The following CD86 variants were observed in gnomAD, a reference collection of about 807,000 sequenced individuals.
CD86 encodes CD86 molecule, also known as T-lymphocyte activation antigen CD86.
A neutral mutation model predicts 32.1 loss-of-function variants in CD86; 11 were observed. The ratio of observed to expected loss-of-function variants is 0.34; its 90% CI spans 0.22 to 0.57. The LOEUF (loss-of-function observed/expected upper bound fraction) is 0.57. Among genes scored for constraint, CD86 ranks in the 20% least tolerant of loss-of-function variants. The pLI is 0.86. For missense variants in CD86, 359 were observed against 398.4 expected, an observed-to-expected ratio of 0.90 and a Z score of 0.84; for synonymous variants, 137 against 135.3, an observed-to-expected ratio of 1.01 and a Z score of -0.09.
intron 1 of CD86, among the ~76,000 whole-genome samples, chr3:122,058,920 A>C (rs2072282901): frequency 6.6e-6 from 1 of 152,136 alleles, no homozygotes; most frequent in African/African-American, 2.4e-5. Flanking sequence ...ATATTTTAGC[A>C]CCAGAATTGA....
chr3:122,111,921 C>T (rs1254559401), intron 5 of CD86, among the ~76,000 whole-genome samples: 1 of 152,300 alleles, frequency 6.6e-6, no homozygotes. Flanking sequence ...TTCTATGCCT[C>T]AACTGTATAT....
At chr3:122,108,558 G>A (rs185726127) in intron 4 of CD86, among the ~76,000 whole-genome samples, 18 of 152,192 alleles carry the variant, frequency 1.2e-4, no homozygotes, top group African/African-American at 4.3e-4. Context: ...CTTTAAAGTG[G>A]GCGACTCCGT....
chr3:122,102,011 C>T (rs536065002), intron 2 of CD86, among the ~76,000 whole-genome samples: 3 of 152,246 alleles, frequency 2.0e-5, no homozygotes, highest in South Asian at 4.1e-4. Context: ...TTTGTGCAAA[C>T]TCCCACTGAT....
intron 2 of CD86, among the ~76,000 whole-genome samples, chr3:122,100,408 T>C (rs189337534): frequency 7.2e-5 from 11 of 152,218 alleles, no homozygotes; most frequent in Admixed American, 7.2e-4. Context: ...AAACAGTCAA[T>C]GAAGGGGTTA....
chr3:122,113,258 G>T (rs1351631903), intron 5 of CD86, among the ~76,000 whole-genome samples: 3 of 152,192 alleles, frequency 2.0e-5, no homozygotes, highest in Admixed American at 6.5e-5. Flanking sequence ...TGGGTTGATG[G>T]ACATTTAGGT....
At chr3:122,115,210 A>G (rs2681420) in intron 5 of CD86, among the ~76,000 whole-genome samples, 33,041 of 152,142 alleles carry the variant, frequency 0.22, 4,186 homozygotes, top group East Asian at 0.6. Flanking sequence ...TTATTTCTAT[A>G]TACTAACAAA....
chr3:122,103,750 G>A lies in CD86; in HGVS notation c.303G>A (p.Gln101=). 6.2e-7 allele frequency: 1 copy of A among 1,614,086 alleles called. No homozygotes were observed. Among genetic ancestry groups the A allele is most frequent in the Non-Finnish European group, 8.5e-7 (1 of 1,179,946 alleles). The change falls in exon 3 of 7, where the codon CAG becomes CAA. Residue 101 remains glutamine, a synonymous_variant. Transcript: ENST00000330540. ...GGACCCTGAGACTTCACAATCTTCAGATCAAGGACAAGGGCTTGTATCAAT... is the reference window on the plus strand; with the variant it reads ...GGACCCTGAGACTTCACAATCTTCAAATCAAGGACAAGGGCTTGTATCAAT... ...DSWTLRLHNL[Q]IKDKGLYQCI... is the part of the protein sequence containing the mutation.
intron 6 of CD86, among the ~76,000 whole-genome samples, chr3:122,118,299 C>A (rs2073288156): frequency 6.6e-6 from 1 of 152,154 alleles, no homozygotes; most frequent in Non-Finnish European, 1.5e-5. Context: ...GCCCAGAAAG[C>A]ATGACAAGCT....
At chr3:122,065,868 A>C (rs2107502665) in intron 1 of CD86, among the ~76,000 whole-genome samples, 1 of 151,980 alleles carries the variant, frequency 6.6e-6, no homozygotes, top group South Asian at 2.1e-4. Flanking sequence ...GAGAGGGGGA[A>C]ACTTGACTGG....
chr3:122,103,391 T>C (rs770052578), intron 2 of CD86, 121 bp from the exon 3 acceptor site: 4 of 682,808 alleles, frequency 5.9e-6, no homozygotes, highest in Admixed American at 2.9e-5. Flanking sequence ...CAGAGCTTAA[T>C]ATCTTATTCT....
intron 1 of CD86, among the ~76,000 whole-genome samples, chr3:122,063,611 T>A (rs1576756891): frequency 1.3e-5 from 2 of 148,674 alleles, no homozygotes; most frequent in African/African-American, 5.0e-5. Context: ...TTTTTTTTTT[T>A]AAAGACAGAG....
intron 1 of CD86, among the ~76,000 whole-genome samples, chr3:122,072,385 G>T (rs1158928339): frequency 1.3e-5 from 2 of 151,878 alleles, no homozygotes; most frequent in Admixed American, 6.6e-5. Context: ...ATTCTCTCCA[G>T]CACCTGTTGT....
intron 1 of CD86, among the ~76,000 whole-genome samples, chr3:122,078,323 C>G (rs2107513753): frequency 1.3e-5 from 2 of 152,290 alleles, no homozygotes; most frequent in South Asian, 4.1e-4. Context: ...GTGCCACTTA[C>G]CAAATAATTG....
chr3:122,091,115 A>C (rs751971419), intron 1 of CD86, among the ~76,000 whole-genome samples: 4 of 152,272 alleles, frequency 2.6e-5, no homozygotes, highest in Non-Finnish European at 4.4e-5. Flanking sequence ...TACTGCAATA[A>C]TCAATCCCTC....
intron 1 of CD86, among the ~76,000 whole-genome samples, 159 bp from the exon 2 acceptor site, chr3:122,091,442 G>A (rs955617241): frequency 1.3e-5 from 2 of 152,180 alleles, no homozygotes; most frequent in East Asian, 1.9e-4. Flanking sequence ...ATGGAGCTAA[G>A]AGCAAAAGGA....
At chr3:122,112,202 C>T (rs560821606) in intron 5 of CD86, among the ~76,000 whole-genome samples, 438 of 152,298 alleles carry the variant, frequency 2.9e-3, no homozygotes, top group Non-Finnish European at 4.8e-3. Context: ...CTAGCAACAA[C>T]GGTTTTTACA....
At chr3:122,071,545 T>G (rs2107507536) in intron 1 of CD86, among the ~76,000 whole-genome samples, 1 of 152,300 alleles carries the variant, frequency 6.6e-6, no homozygotes, top group Non-Finnish European at 1.5e-5. Context: ...AGTTGCTAAT[T>G]ATGAATAAAG....
intron 2 of CD86, among the ~76,000 whole-genome samples, chr3:122,099,764 A>C (rs1379734443): frequency 2.6e-5 from 4 of 152,240 alleles, no homozygotes. Context: ...ATAAGATTAA[A>C]AATTCATCTT....
chr3:122,074,507 C>G (rs1461724849), intron 1 of CD86, among the ~76,000 whole-genome samples: 1 of 152,212 alleles, frequency 6.6e-6, no homozygotes, highest in Non-Finnish European at 1.5e-5. Context: ...TGTATTAGAA[C>G]TACCATCAGC....
Sources: allele counts gnomAD v4.1 joint callset (sites outside exome capture counted in the v4.1 genomes callset), GRCh38; gene constraint gnomAD v4.1.1; transcripts MANE v1.5; gene names NCBI Gene and HGNC (gene_info 2026-07-23, HGNC 2026-07-21).